The following AOPEP variants were observed in gnomAD, a reference collection of about 807,000 sequenced individuals.
AOPEP encodes aminopeptidase O (putative), also known as aminopeptidase O.
A neutral mutation model predicts 98.1 loss-of-function variants in AOPEP; 77 were observed. That is an observed-to-expected ratio of 0.78 (90% CI 0.65 to 0.95). AOPEP has a LOEUF of 0.95. AOPEP is among the 40% of genes least tolerant of loss of function. AOPEP has a pLI of 0.00. For missense variants in AOPEP, 1,024 were observed against 1,024.7 expected (o/e 1.00, Z 0.01); for synonymous variants, 346 against 365.3 (o/e 0.95, Z 0.60).
intron 13 of AOPEP, among the ~76,000 whole-genome samples, chr9:95,008,412 C>T (rs1317975990): frequency 2.0e-5 from 3 of 152,168 alleles, no homozygotes; most frequent in East Asian, 1.9e-4. Context: ...AGTGAGAGGA[C>T]GGACTCTGAC....
intron 5 of AOPEP, among the ~76,000 whole-genome samples, chr9:94,853,568 T>A (rs192331032): frequency 4.6e-5 from 7 of 152,342 alleles, no homozygotes; most frequent in Admixed American, 1.3e-4. Flanking sequence ...TCTATTATTT[T>A]TAAACACAAA....
rs55732091 is a variant in AOPEP, at chr9:95,021,555, T to C, written c.2115+15939T>C. On this transcript the variant is annotated intron_variant, in intron 13 of 16. Coordinates refer to ENST00000375315, the MANE Select transcript of AOPEP (RefSeq NM_001193329.3). ...CAAATTTAAATGATGCCGAAGTATC[T>C]TCCAGCAGAGGATTAGTGATGTACC... 5.2e-3 allele frequency: 794 copies of C among 152,376 alleles called. 14 individuals carry two copies. The highest frequency in any genetic ancestry group is 0.043 in the East Asian group (223 of 5,186). 9.4% of individuals were successfully genotyped at this position (152,376 alleles called of 1,614,324 possible). A position where few individuals can be genotyped will look rare whatever the true frequency, so the allele number is the denominator to read the frequency against.
At chr9:95,143,552 T>C in the AOPEP span, among the ~76,000 whole-genome samples, 4 of 152,198 alleles carry the variant, frequency 2.6e-5, no homozygotes, top group Non-Finnish European at 5.9e-5. Context: ...TCAAGGGTTT[T>C]AGGAGCCTGG....
chr9:94,916,098 T>G (rs1237993265), intron 5 of AOPEP, among the ~76,000 whole-genome samples: 1 of 152,212 alleles, frequency 6.6e-6, no homozygotes, highest in African/African-American at 2.4e-5. Flanking sequence ...CTCTCAGTTG[T>G]GCCATTTTAT....
At chr9:94,973,338 A>G (rs1282559870) in intron 10 of AOPEP, among the ~76,000 whole-genome samples, 1 of 152,194 alleles carries the variant, frequency 6.6e-6, no homozygotes, top group Non-Finnish European at 1.5e-5. Flanking sequence ...TTGTCATCCC[A>G]CCTTGGAAAT....
chr9:94,941,187 G>T (rs956672998), intron 7 of AOPEP, among the ~76,000 whole-genome samples: 1 of 152,150 alleles, frequency 6.6e-6, no homozygotes, highest in African/African-American at 2.4e-5. Flanking sequence ...GTCCCCTCTG[G>T]CTCTTCTCTG....
intron 13 of AOPEP, among the ~76,000 whole-genome samples, chr9:95,008,233 C>G (rs1376369392): frequency 6.6e-6 from 1 of 152,194 alleles, no homozygotes; most frequent in South Asian, 2.1e-4. Context: ...CTGTCTACAC[C>G]TGCAGGCTTC....
At chr9:95,031,140 C>G (rs1315183008) in intron 13 of AOPEP, among the ~76,000 whole-genome samples, 1 of 152,110 alleles carries the variant, frequency 6.6e-6, no homozygotes, top group Non-Finnish European at 1.5e-5. Context: ...TCACATGCAC[C>G]CCCACATGAC....
intron 5 of AOPEP, among the ~76,000 whole-genome samples, chr9:94,853,504 C>T (rs570000028): frequency 6.6e-6 from 1 of 152,228 alleles, no homozygotes; most frequent in Non-Finnish European, 1.5e-5. Flanking sequence ...AGTCTCACCT[C>T]ACTCACTGTG....
the AOPEP span, chr9:95,100,657 G>C: frequency 4.4e-6 from 1 of 229,142 alleles, no homozygotes; most frequent in Non-Finnish European, 8.7e-6. Context: ...TTAAGAGATG[G>C]TCTCGCTCTG....
At chr9:95,141,985 G>GTTTTTTTTT in the AOPEP span, among the ~76,000 whole-genome samples, 16 of 83,136 alleles carry the variant, frequency 1.9e-4, no homozygotes, top group Non-Finnish European at 2.8e-4. Context: ...AGTTTGTGGG[G>GTTTTTTTTT]TTTTTTTTTT....
chr9:94,760,414 C>A lies in AOPEP; in HGVS notation c.631C>A (p.Gln211Lys). Residue 211 changes from glutamine to lysine, a missense_variant, in exon 2 of 17, where the codon CAG (glutamine) becomes AAG (lysine). By Grantham distance (53) the Gln-to-Lys change is moderately conservative. Around this residue, in one of 3 missense-constraint regions of AOPEP, gnomAD observed 440 missense variants for 433.8 expected, o/e 1.01. Coordinates refer to ENST00000375315, the MANE Select transcript of AOPEP (RefSeq NM_001193329.3). ...GTTAGACTATTACGCTCGCTGCAGC[C>A]AGGCTCCTGGCTGTGGGGAACTCCT... ...EQLDYYARCS[Q>K]APGCGELLFD... is the part of the protein sequence containing the mutation. 1 of 1,614,036 alleles carries A rather than the reference C, an allele frequency of 6.2e-7. No individual in the cohort carries two copies. The highest frequency in any genetic ancestry group is 8.5e-7 in the Non-Finnish European group (1 of 1,179,958).
chr9:95,102,895 C>T, the AOPEP span, among the ~76,000 whole-genome samples: 1,579 of 152,332 alleles, frequency 0.01, 28 homozygotes, highest in African/African-American at 0.037. Context: ...CACACAGGGC[C>T]TGCAGCCGGC....
At position 95,077,804 on chromosome 9, in the gene AOPEP, G is replaced by T. The variant is rs575878506; in HGVS notation, c.2233-2890G>T. ...GAGACTGATGTCATCCCCACTCCCT[G>T]TGGTGACGAATGGCATGCGAATTGT... On this transcript the variant is annotated intron_variant, in intron 14 of 16. Transcript: ENST00000375315. Among the ~76,000 whole-genome samples the T allele has an allele frequency of 4.6e-5, 7 of 152,340 alleles. No homozygotes were observed. The South Asian group carries it at 8.3e-4, about 18-fold the overall frequency.
intron 13 of AOPEP, among the ~76,000 whole-genome samples, chr9:95,026,523 G>T (rs561666878): frequency 6.6e-6 from 1 of 152,144 alleles, no homozygotes; most frequent in Admixed American, 6.5e-5. Flanking sequence ...AGTGTGTATC[G>T]CTGTGTTCCC....
chr9:94,970,454 A>C (rs2059466842), intron 10 of AOPEP, among the ~76,000 whole-genome samples: 1 of 152,194 alleles, frequency 6.6e-6, no homozygotes, highest in Admixed American at 6.5e-5. Flanking sequence ...TAAGCAAGCC[A>C]GGCATCATAA....
intron 3 of AOPEP, among the ~76,000 whole-genome samples, chr9:94,780,026 AC>A (rs1842936397): frequency 6.6e-6 from 1 of 152,192 alleles, no homozygotes; most frequent in South Asian, 2.1e-4. Context: ...GGCAGTACTC[AC>A]ATCTGGATGA....
chr9:95,139,216 G>C, the AOPEP span, among the ~76,000 whole-genome samples: 1 of 152,172 alleles, frequency 6.6e-6, no homozygotes, highest in African/African-American at 2.4e-5. Flanking sequence ...CTAATTAACA[G>C]TAAAGGAAGG....
chr9:94,899,369 A>G (rs1473088942), intron 5 of AOPEP, among the ~76,000 whole-genome samples: 3 of 134,540 alleles, frequency 2.2e-5, no homozygotes, highest in Non-Finnish European at 4.8e-5. Context: ...TTTTTTTTTT[A>G]GTAGAGACGA....
Sources: gnomAD v4.1 joint callset for allele counts (sites outside exome capture counted in the v4.1 genomes callset) on GRCh38, gnomAD v4.1.1 for gene constraint, gnomAD v4.1.1 regional missense constraint, MANE v1.5 for transcripts, NCBI Gene and HGNC (gene_info 2026-07-23, HGNC 2026-07-21) for gene names.